Variants in CPPED1 observed in about 807,000 individuals in gnomAD.
The protein encoded by CPPED1 is serine/threonine-protein phosphatase CPPED1.
CPPED1 carries 28 observed loss-of-function variants against 28.0 expected under a neutral mutation model. The ratio of observed to expected loss-of-function variants is 1.00; its 90% CI spans 0.74 to 1.37. The LOEUF is 1.37. CPPED1 is among the 40% of genes most tolerant of loss of function. The pLI, the probability that CPPED1 is intolerant of heterozygous loss-of-function variation, is 0.00. For synonymous variants in CPPED1, 198 were observed against 180.2 expected (o/e 1.10, Z -0.79); for missense variants, 504 against 416.5 (o/e 1.21, Z -1.83).
At chr16:12,802,587 C>G (rs192710260) in intron 1 of CPPED1, among the ~76,000 whole-genome samples, 5 of 152,260 alleles carry the variant, frequency 3.3e-5, no homozygotes, top group Admixed American at 1.3e-4. Flanking sequence ...GGCAATAAAG[C>G]AAGACTCCGC....
At chr16:12,738,023 C>G (rs76299609) in intron 2 of CPPED1, among the ~76,000 whole-genome samples, 1 of 152,156 alleles carries the variant, frequency 6.6e-6, no homozygotes, top group African/African-American at 2.4e-5. Flanking sequence ...ACACGGTACC[C>G]GACGCAGGTA....
At chr16:12,721,829 G>C (rs2080142489) in intron 2 of CPPED1, among the ~76,000 whole-genome samples, 1 of 151,610 alleles carries the variant, frequency 6.6e-6, no homozygotes, top group South Asian at 2.1e-4. Flanking sequence ...ATGCAGAGCT[G>C]CTAAGATTCT....
chr16:12,690,350 T>A (rs1254629128), intron 3 of CPPED1, among the ~76,000 whole-genome samples: 1 of 151,720 alleles, frequency 6.6e-6, no homozygotes, highest in Non-Finnish European at 1.5e-5. Flanking sequence ...CCAGTCTTTA[T>A]TGAAAATACA....
intron 3 of CPPED1, among the ~76,000 whole-genome samples, chr16:12,696,733 G>A (rs1486232554): frequency 2.0e-5 from 3 of 151,996 alleles, no homozygotes; most frequent in Non-Finnish European, 2.9e-5. Context: ...GTGAGCCGCT[G>A]CGCCTGGCCT....
intron 3 of CPPED1, among the ~76,000 whole-genome samples, chr16:12,701,065 C>A (rs965646181): frequency 6.6e-6 from 1 of 151,816 alleles, no homozygotes; most frequent in Non-Finnish European, 1.5e-5. Flanking sequence ...TCCATCTCTG[C>A]AAAAAATAAA....
At chr16:12,677,850 C>T (rs2079885678) in intron 3 of CPPED1, among the ~76,000 whole-genome samples, 1 of 152,204 alleles carries the variant, frequency 6.6e-6, no homozygotes, top group East Asian at 1.9e-4. Context: ...GGTCAGCAAA[C>T]ATTTTCCAGA....
At position 12,784,025 on chromosome 16, in the gene CPPED1, C is replaced by T. The variant is rs529394041; in HGVS notation, c.71-2622G>A. Among the ~76,000 whole-genome samples the T allele has an allele frequency of 3.3e-5, 5 of 152,336 alleles. No individual in the cohort carries two copies. The South Asian group carries it at 8.3e-4, about 25-fold the overall frequency. On this transcript the variant is annotated intron_variant, in intron 1 of 3. Coordinates refer to ENST00000381774, the MANE Select transcript of CPPED1 (RefSeq NM_018340.3). ...CTGATATTCACATCCCTGTGCAACACCCTCCCTTTGAGTGTGGGCTGCAAC... is the reference window on the plus strand; with the variant it reads ...CTGATATTCACATCCCTGTGCAACATCCTCCCTTTGAGTGTGGGCTGCAAC...
intron 2 of CPPED1, among the ~76,000 whole-genome samples, chr16:12,710,048 AG>A (rs2080072302): frequency 6.6e-6 from 1 of 152,208 alleles, no homozygotes; most frequent in Non-Finnish European, 1.5e-5. Flanking sequence ...CATACAGATT[AG>A]AAAGAAAGAA....
chr16:12,684,900 T>C (rs1442080517), intron 3 of CPPED1, among the ~76,000 whole-genome samples: 4 of 152,190 alleles, frequency 2.6e-5, no homozygotes, highest in Non-Finnish European at 5.9e-5. Flanking sequence ...AGCTATACTT[T>C]AGTAGGTATC....
chr16:12,696,046 A>G (rs1161115220), intron 3 of CPPED1, among the ~76,000 whole-genome samples: 1 of 152,202 alleles, frequency 6.6e-6, no homozygotes, highest in Non-Finnish European at 1.5e-5. Context: ...TAAAAGTAGC[A>G]TGCCTTCCTC....
At chr16:12,710,808 G>A (rs1304513467) in intron 2 of CPPED1, among the ~76,000 whole-genome samples, 1 of 152,178 alleles carries the variant, frequency 6.6e-6, no homozygotes, top group Admixed American at 6.6e-5. Flanking sequence ...TACCCATGAG[G>A]ATAGCTACTA....
chr16:12,768,467 C>T (rs1002271255), intron 2 of CPPED1, among the ~76,000 whole-genome samples: 40 of 152,140 alleles, frequency 2.6e-4, no homozygotes, highest in African/African-American at 9.4e-4. Flanking sequence ...TTTCTAGCTA[C>T]GATTAAGACT....
chr16:12,696,559 A>G (rs1555484864), intron 3 of CPPED1, among the ~76,000 whole-genome samples: 1 of 149,380 alleles, frequency 6.7e-6, no homozygotes, highest in Non-Finnish European at 1.5e-5. Flanking sequence ...CTCGTGCCTC[A>G]GCCTCCTGAG....
chr16:12,740,093 G>A (rs969408131), intron 2 of CPPED1, among the ~76,000 whole-genome samples: 1 of 145,746 alleles, frequency 6.9e-6, no homozygotes, highest in African/African-American at 2.5e-5. Flanking sequence ...GAAAGGAAAG[G>A]AAGGAAAGGA....
intron 3 of CPPED1, among the ~76,000 whole-genome samples, chr16:12,703,737 A>G (rs1419224721): frequency 2.5e-5 from 1 of 39,232 alleles, no homozygotes; most frequent in Admixed American, 4.1e-4. Context: ...GAGGACAAAG[A>G]GAAGAGACAC....
Position 12,732,036 on chromosome 16 carries a change from G to A in CPPED1, c.290-26987C>T, listed in dbSNP as rs113491036. On this transcript the variant is annotated intron_variant, in intron 2 of 3. Coordinates refer to ENST00000381774, the MANE Select transcript of CPPED1 (RefSeq NM_018340.3). ...AAAGTAGCTGGGCGTAGTGGCACAC[G>A]CCTGTAATCCCAGCTACTCAGGAGG... 6.7e-3 allele frequency among the ~76,000 whole-genome samples: 1,025 copies of A among 152,034 alleles called. 6 individuals are homozygous for A. The highest frequency in any genetic ancestry group is 0.034 in the Middle Eastern group (10 of 294).
At chr16:12,802,101 A>C (rs1367670680) in intron 1 of CPPED1, among the ~76,000 whole-genome samples, 1 of 152,146 alleles carries the variant, frequency 6.6e-6, no homozygotes, top group Non-Finnish European at 1.5e-5. Context: ...GAAAACCAAA[A>C]GGCAAGGAGC....
intron 3 of CPPED1, among the ~76,000 whole-genome samples, chr16:12,676,438 A>G (rs1458170511): frequency 6.6e-6 from 1 of 152,194 alleles, no homozygotes; most frequent in Non-Finnish European, 1.5e-5. Context: ...TTGCACCTGC[A>G]TCATCTCACT....
intron 2 of CPPED1, among the ~76,000 whole-genome samples, chr16:12,744,152 T>G (rs2080270847): frequency 6.6e-6 from 1 of 151,992 alleles, no homozygotes; most frequent in Non-Finnish European, 1.5e-5. Flanking sequence ...GGCAGGTGCC[T>G]GTTGTCCCAG....
Sources: allele counts gnomAD v4.1 joint callset (sites outside exome capture counted in the v4.1 genomes callset), GRCh38; gene constraint gnomAD v4.1.1; transcripts MANE v1.5; gene names NCBI Gene and HGNC (gene_info 2026-07-23, HGNC 2026-07-21).